CCDC171: variants seen among roughly 807,000 people sequenced by gnomAD.
The protein encoded by CCDC171 is coiled-coil domain-containing protein 171.
CCDC171 carries 177 observed loss-of-function variants against 168.2 expected under a neutral mutation model. That is an observed-to-expected ratio of 1.05 (90% CI 0.93 to 1.19). The LOEUF (loss-of-function observed/expected upper bound fraction) is 1.19. CCDC171 is among the 50% of genes most tolerant of loss of function. The pLI, the probability that CCDC171 is intolerant of heterozygous loss-of-function variation, is 0.00. For missense variants in CCDC171, 1,991 were observed against 1,539.0 expected, an observed-to-expected ratio of 1.29 and a Z score of -4.91; for synonymous variants, 687 against 540.8, an observed-to-expected ratio of 1.27 and a Z score of -3.75.
At chr9:15,582,853 G>A (rs942970634) in intron 4 of CCDC171, among the ~76,000 whole-genome samples, 1 of 151,116 alleles carries the variant, frequency 6.6e-6, no homozygotes, top group African/African-American at 2.4e-5. Context: ...GATGGGTACA[G>A]TAAACCACCA....
At chr9:15,670,779 A>T (rs539895959) in intron 9 of CCDC171, among the ~76,000 whole-genome samples, 23 of 152,246 alleles carry the variant, frequency 1.5e-4, no homozygotes, top group Admixed American at 5.9e-4. Flanking sequence ...TTATGTAACA[A>T]GAAACTTTGT....
intron 25 of CCDC171, among the ~76,000 whole-genome samples, chr9:15,935,561 T>C (rs1020486906): frequency 1.3e-5 from 2 of 152,076 alleles, no homozygotes; most frequent in African/African-American, 2.4e-5. Context: ...TAAAATTATA[T>C]GTTGAATTTG....
intron 7 of CCDC171, among the ~76,000 whole-genome samples, chr9:15,647,623 A>G (rs899890326): frequency 2.6e-5 from 4 of 152,342 alleles, no homozygotes; most frequent in Admixed American, 6.5e-5. Flanking sequence ...AAACACCTCT[A>G]TACAAATAAA....
At chr9:15,642,343 G>GTGTATATATATATATATA (rs1369419679) in intron 7 of CCDC171, among the ~76,000 whole-genome samples, 5 of 107,550 alleles carry the variant, frequency 4.6e-5, no homozygotes, top group African/African-American at 1.0e-4. Context: ...GTGTGTGTGT[G>GTGTATATATATATATATA]TATATATATA....
At position 15,745,536 on chromosome 9, in the gene CCDC171, G is replaced by A. The variant is rs570101221; in HGVS notation, c.2576G>A (p.Arg859His). 32 of 1,576,446 alleles carry A rather than the reference G, an allele frequency of 2.0e-5. No individual in the cohort carries two copies. Among genetic ancestry groups the A allele is most frequent in the African/African-American group, 6.9e-5 (5 of 72,544 alleles). Residue 859 changes from arginine to histidine, a missense_variant, in exon 18 of 26, where the codon CGT (arginine) becomes CAT (histidine). Coordinates refer to ENST00000380701, the MANE Select transcript of CCDC171 (RefSeq NM_173550.4). ...ATAGAACATCAAAAGGAGCAGTTGC[G>A]TTGTTTACAAGCGCTCAGTTGGCTC... is the stretch of plus-strand genomic sequence containing the variant. Reference protein sequence around the residue: ...KFPKHQKEQLRCLQALSWLTS... With the variant: ...KFPKHQKEQLHCLQALSWLTS...
At chr9:15,810,535 C>T (rs922397901) in intron 21 of CCDC171, among the ~76,000 whole-genome samples, 77 of 152,258 alleles carry the variant, frequency 5.1e-4, no homozygotes, top group African/African-American at 1.6e-3. Flanking sequence ...CTGCAGGTCC[C>T]GAGCCCTGTC....
At chr9:15,919,138 C>CT (rs1824964069) in intron 24 of CCDC171, among the ~76,000 whole-genome samples, 1 of 151,466 alleles carries the variant, frequency 6.6e-6, no homozygotes, top group African/African-American at 2.4e-5. Context: ...TTAACACTGC[C>CT]TTTTTTGGGC....
At chr9:16,064,649 C>A (rs1833972524), downstream of CCDC171, among the ~76,000 whole-genome samples, 3 of 152,156 alleles carry the variant, frequency 2.0e-5, no homozygotes, top group Admixed American at 2.0e-4. Context: ...AGAGGCATGG[C>A]AACTGGCAAA....
At chr9:15,737,926 A>G (rs1025364209) in intron 16 of CCDC171, among the ~76,000 whole-genome samples, 8 of 152,278 alleles carry the variant, frequency 5.3e-5, no homozygotes, top group South Asian at 2.1e-4. Flanking sequence ...GAGAGTTCCA[A>G]TTTCCCTACA....
intron 23 of CCDC171, among the ~76,000 whole-genome samples, chr9:15,853,055 A>C (rs900158718): frequency 2.6e-5 from 4 of 151,654 alleles, no homozygotes; most frequent in Non-Finnish European, 5.9e-5. Flanking sequence ...TGACTATTCA[A>C]GTTCTCTCAT....
intron 21 of CCDC171, among the ~76,000 whole-genome samples, chr9:15,811,370 A>G (rs1032987792): frequency 2.0e-5 from 3 of 152,216 alleles, no homozygotes; most frequent in Non-Finnish European, 2.9e-5. Flanking sequence ...TGGAAAATAT[A>G]GTATAGAAAA....
intron 21 of CCDC171, among the ~76,000 whole-genome samples, chr9:15,825,270 A>T (rs942586693): frequency 6.6e-6 from 1 of 152,142 alleles, no homozygotes; most frequent in Non-Finnish European, 1.5e-5. Context: ...GACAAGGAGC[A>T]GGTGAGATCA....
At chr9:15,787,930 T>C (rs2058053278) in intron 21 of CCDC171, among the ~76,000 whole-genome samples, 1 of 152,240 alleles carries the variant, frequency 6.6e-6, no homozygotes, top group Non-Finnish European at 1.5e-5. Flanking sequence ...ATAGATAATG[T>C]AATGAACTGT....
chr9:15,750,964 AG>A (rs2055698220), intron 18 of CCDC171, among the ~76,000 whole-genome samples: 1 of 152,222 alleles, frequency 6.6e-6, no homozygotes, highest in Non-Finnish European at 1.5e-5. Context: ...GTATTCAGTT[AG>A]GAAAAGAGGA....
chr9:15,562,742 A>G (rs1369115379), intron 1 of CCDC171, among the ~76,000 whole-genome samples: 1 of 152,074 alleles, frequency 6.6e-6, no homozygotes, highest in African/African-American at 2.4e-5. Flanking sequence ...CATTTCATGT[A>G]TGTGTTTTTG....
intron 20 of CCDC171, among the ~76,000 whole-genome samples, chr9:15,779,451 C>T (rs2135419838): frequency 6.6e-6 from 1 of 152,194 alleles, no homozygotes; most frequent in Non-Finnish European, 1.5e-5. Context: ...CCTCTGCCCC[C>T]CGGGTTCAAG....
intron 21 of CCDC171, among the ~76,000 whole-genome samples, chr9:15,834,062 T>C (rs1338051136): frequency 6.6e-6 from 1 of 152,184 alleles, no homozygotes; most frequent in African/African-American, 2.4e-5. Flanking sequence ...ACTTGTTGTT[T>C]CAGTGGGCCC....
intron 25 of CCDC171, among the ~76,000 whole-genome samples, chr9:15,957,568 A>G (rs934445409): frequency 6.6e-6 from 1 of 152,202 alleles, no homozygotes; most frequent in African/African-American, 2.4e-5. Context: ...GTGAATGTAA[A>G]TTCCCTCTTT....
chr9:15,679,368 A>G (rs11999354), intron 10 of CCDC171, among the ~76,000 whole-genome samples: 4,455 of 152,212 alleles, frequency 0.029, 214 homozygotes, highest in African/African-American at 0.1. Flanking sequence ...CTCTTTATTT[A>G]AAACTCATCA....
Sources: allele counts gnomAD v4.1 joint callset (sites outside exome capture counted in the v4.1 genomes callset), GRCh38; gene constraint gnomAD v4.1.1; transcripts MANE v1.5; gene names NCBI Gene and HGNC (gene_info 2026-07-23, HGNC 2026-07-21).